EPB41L4A: variants seen among roughly 807,000 people sequenced by gnomAD.
EPB41L4A encodes band 4.1-like protein 4A.
Under a neutral mutation model 108.6 loss-of-function variants are expected in EPB41L4A, and 100 were observed. That is an observed-to-expected ratio of 0.92 (90% CI 0.78 to 1.09). The LOEUF is 1.09. Ranked by LOEUF, EPB41L4A falls within the 50% of genes least tolerant of loss-of-function variation. The pLI is 0.00. For synonymous variants in EPB41L4A, 319 were observed against 289.0 expected, an observed-to-expected ratio of 1.10 and a Z score of -1.05; for missense variants, 1,030 against 842.7, an observed-to-expected ratio of 1.22 and a Z score of -2.75.
chr5:112,183,726 AAAG>A (rs1180517784), intron 18 of EPB41L4A, among the ~76,000 whole-genome samples: 2 of 152,226 alleles, frequency 1.3e-5, no homozygotes, highest in Non-Finnish European at 2.9e-5. Context: ...GCTCTACAAC[AAAG>A]AAGACTATTC....
downstream of EPB41L4A, chr5:112,161,787 T>A (rs1422763049): frequency 2.7e-6 from 1 of 367,440 alleles, no homozygotes; most frequent in Non-Finnish European, 5.4e-6. Context: ...TAGGGTGATA[T>A]GTCTTAAAGC....
intron 1 of EPB41L4A, among the ~76,000 whole-genome samples, chr5:112,345,376 T>C (rs1041395512): frequency 3.3e-5 from 5 of 152,258 alleles, no homozygotes; most frequent in African/African-American, 7.2e-5. Flanking sequence ...GGCTGTTACA[T>C]ACCATGTTTG....
At chr5:112,390,205 G>A (rs1371089300) in intron 1 of EPB41L4A, among the ~76,000 whole-genome samples, 2 of 152,192 alleles carry the variant, frequency 1.3e-5, no homozygotes, top group African/African-American at 4.8e-5. Context: ...TGGACAGTGG[G>A]TGCAGCCCAC....
rs149885108 is a variant in EPB41L4A, at chr5:112,212,350, T to A, written c.1088-2368A>T. On this transcript the variant is annotated intron_variant, in intron 12 of 22. Transcript: ENST00000261486. ...CTTTGTCGCCCATGCTGGAGTGCAG[T>A]GACATGATCTCAGCTCACTGCAACC... Among the ~76,000 whole-genome samples the A allele has an allele frequency of 2.3e-3, 353 of 151,340 alleles. 1 individual carries two copies. Among genetic ancestry groups the A allele is most frequent in the African/African-American group, 8.2e-3 (339 of 41,160 alleles).
chr5:112,160,844 A>G (rs370285880), downstream of EPB41L4A: 1 of 156,076 alleles, frequency 6.4e-6, no homozygotes, highest in African/African-American at 2.4e-5. Flanking sequence ...GTAGAAAAGC[A>G]TTGTGGGACG....
At chr5:112,283,476 A>G (rs1753088650) in intron 2 of EPB41L4A, among the ~76,000 whole-genome samples, 1 of 152,222 alleles carries the variant, frequency 6.6e-6, no homozygotes, top group African/African-American at 2.4e-5. Context: ...GCAATCAAAC[A>G]GAGCACATGG....
chr5:112,394,005 C>T (rs113488927), intron 1 of EPB41L4A, among the ~76,000 whole-genome samples: 15,454 of 152,110 alleles, frequency 0.1, 1,063 homozygotes, highest in Non-Finnish European at 0.15. Flanking sequence ...ATTATCTCAA[C>T]AGATGCAGAA....
At chr5:112,228,787 ACCCAAGCTC>A (rs1415256077) in intron 12 of EPB41L4A, 1 of 977,674 alleles carries the variant, frequency 1.0e-6, no homozygotes, top group Non-Finnish European at 1.2e-6. Context: ...TTCTGGCTTT[ACCCAAGCTC>A]CTCTGAGGCA....
intron 1 of EPB41L4A, among the ~76,000 whole-genome samples, chr5:112,418,256 A>G (rs1423030732): frequency 6.6e-6 from 1 of 152,200 alleles, no homozygotes; most frequent in South Asian, 2.1e-4. Context: ...CTTCTCATCC[A>G]ATGTAAGGAA....
chr5:112,172,241 T>A (rs2150207015), intron 18 of EPB41L4A, among the ~76,000 whole-genome samples: 1 of 152,332 alleles, frequency 6.6e-6, no homozygotes, highest in South Asian at 2.1e-4. Context: ...CTGGGCATAG[T>A]GGCTCAAGCC....
intron 9 of EPB41L4A, among the ~76,000 whole-genome samples, chr5:112,257,766 T>TA (rs1291823918): frequency 7.9e-5 from 12 of 152,278 alleles, no homozygotes; most frequent in African/African-American, 1.4e-4. Context: ...CATATTCTGC[T>TA]AAAAAAACTT....
chr5:112,213,353 GTT>G (rs66953318), intron 12 of EPB41L4A, among the ~76,000 whole-genome samples: 41 of 144,538 alleles, frequency 2.8e-4, no homozygotes, highest in Non-Finnish European at 4.5e-4. Context: ...TTTTTTTTTT[GTT>G]TTTTTTTTTT....
intron 1 of EPB41L4A, among the ~76,000 whole-genome samples, chr5:112,360,234 G>A (rs763266290): frequency 4.6e-4 from 70 of 152,256 alleles, no homozygotes; most frequent in Non-Finnish European, 1.5e-4. Flanking sequence ...ACCAGCCTGG[G>A]CAACACAGCA....
intron 2 of EPB41L4A, among the ~76,000 whole-genome samples, chr5:112,287,030 C>T (rs940764007): frequency 5.9e-5 from 9 of 152,320 alleles, no homozygotes; most frequent in East Asian, 3.9e-4. Context: ...TCACTGGCCA[C>T]GTCTTCAAAA....
chr5:112,334,008 A>T (rs1242411369), intron 1 of EPB41L4A, among the ~76,000 whole-genome samples: 1 of 152,162 alleles, frequency 6.6e-6, no homozygotes, highest in African/African-American at 2.4e-5. Flanking sequence ...GAAACCTGAA[A>T]AACTAGTTCA....
At chr5:112,272,982 A>C (rs1752372521) in intron 4 of EPB41L4A, among the ~76,000 whole-genome samples, 2 of 152,186 alleles carry the variant, frequency 1.3e-5, no homozygotes, top group South Asian at 4.1e-4. Flanking sequence ...GAACTAAATT[A>C]AGATAAACAC....
At chr5:112,268,729 G>T (rs1021422945) in intron 4 of EPB41L4A, among the ~76,000 whole-genome samples, 9 of 149,584 alleles carry the variant, frequency 6.0e-5, no homozygotes, top group African/African-American at 2.2e-4. Context: ...TGTAGTCACC[G>T]CTACTTGGGA....
exon 13 of EPB41L4A, chr5:112,145,971 C>G (rs1176628356): frequency 1.1e-5 from 5 of 456,506 alleles, no homozygotes; most frequent in Non-Finnish European, 1.8e-5. Context: ...AGTTCTCTGC[C>G]CTTTCTAGGT....
intron 1 of EPB41L4A, among the ~76,000 whole-genome samples, chr5:112,336,884 T>C (rs1318829302): frequency 2.0e-5 from 3 of 152,224 alleles, no homozygotes; most frequent in African/African-American, 7.2e-5. Context: ...TTCTGATCTC[T>C]CAAGAGCAAA....
Sources: gnomAD v4.1 joint callset for allele counts (sites outside exome capture counted in the v4.1 genomes callset) on GRCh38, gnomAD v4.1.1 for gene constraint, MANE v1.5 for transcripts, NCBI Gene and HGNC (gene_info 2026-07-23, HGNC 2026-07-21) for gene names.